Variants in CD82 observed in about 807,000 individuals in gnomAD.
CD82 encodes the protein CD82 antigen.
CD82 carries 36 observed loss-of-function variants against 37.4 expected under a neutral mutation model. The observed-to-expected ratio is 0.96, with a 90% CI of 0.74 to 1.27. The LOEUF is 1.27. CD82 is among the 50% of genes most tolerant of loss of function. The pLI, the probability that CD82 is intolerant of heterozygous loss-of-function variation, is 0.00. For missense variants in CD82, 340 were observed against 347.0 expected (o/e 0.98, Z 0.16); for synonymous variants, 158 against 137.4 (o/e 1.15, Z -1.05).
chr11:44,579,712 C>T (rs1031687629), intron 1 of CD82, among the ~76,000 whole-genome samples: 13 of 152,154 alleles, frequency 8.5e-5, no homozygotes, highest in South Asian at 4.1e-4. Context: ...GTTAAATGGC[C>T]GCTTCCCTGC....
At chr11:44,612,125 A>T (rs923467974) in intron 6 of CD82, among the ~76,000 whole-genome samples, 3 of 152,256 alleles carry the variant, frequency 2.0e-5, no homozygotes, top group African/African-American at 7.2e-5. Context: ...ATCACCTGGC[A>T]GACAGCCCCA....
Position 44,618,658 on chromosome 11 carries a change from C to T in CD82, c.661C>T (p.Gln221Ter). Residue 221 changes from glutamine (Q) to a stop codon, truncating the protein, a stop_gained, in exon 9 of 10, where the codon CAG becomes TAG. Coordinates refer to ENST00000227155, the MANE Select transcript of CD82 (RefSeq NM_002231.4). LOFTEE classifies it high-confidence loss of function. ...VYQEGCMEKV[Q>*]AWLQENLGII... is the part of the protein sequence containing the mutation. Reference sequence around the variant, plus strand: ...CTTGCAGGGCTGCATGGAGAAGGTGCAGGCGTGGCTGCAGGAGAACCTGGG... The same window carrying T: ...CTTGCAGGGCTGCATGGAGAAGGTGTAGGCGTGGCTGCAGGAGAACCTGGG... 1.2e-6 allele frequency: 2 copies of T among 1,612,426 alleles called. No homozygotes were observed. Among genetic ancestry groups the T allele is most frequent in the Non-Finnish European group, 1.7e-6 (2 of 1,179,864 alleles).
At chr11:44,603,306 C>T (rs779551803) in intron 4 of CD82, among the ~76,000 whole-genome samples, 9 of 152,094 alleles carry the variant, frequency 5.9e-5, no homozygotes, top group Non-Finnish European at 8.8e-5. Flanking sequence ...TATCAGGAAG[C>T]GGAGCTGAAT....
At chr11:44,610,615 G>C (rs1446995868) in intron 6 of CD82, among the ~76,000 whole-genome samples, 1 of 151,784 alleles carries the variant, frequency 6.6e-6, no homozygotes, top group Non-Finnish European at 1.5e-5. Context: ...GCTTGCCGAG[G>C]CTAAGATCCC....
chr11:44,616,975 G>A (rs1853573395), intron 7 of CD82, among the ~76,000 whole-genome samples: 1 of 152,194 alleles, frequency 6.6e-6, no homozygotes, highest in Admixed American at 6.5e-5. Flanking sequence ...CAGCCCGGCT[G>A]CTGGAACAAG....
chr11:44,570,196 G>T (rs777974308), intron 1 of CD82, among the ~76,000 whole-genome samples: 12 of 152,184 alleles, frequency 7.9e-5, no homozygotes, highest in Non-Finnish European at 1.8e-4. Flanking sequence ...TCACTGTGAC[G>T]CTCAGCTTCC....
Position 44,618,198 on chromosome 11 carries a change from A to G in CD82, c.475A>G (p.Thr159Ala), listed in dbSNP as rs1368615847. ...CCGWVSFYNW[T>A]DNAELMNRPE... Reference sequence around the variant, plus strand: ...CGGCTGGGTCAGCTTCTACAACTGGACAGACAACGCTGAGCTCATGAATCG... The same window carrying G: ...CGGCTGGGTCAGCTTCTACAACTGGGCAGACAACGCTGAGCTCATGAATCG... Residue 159 changes from threonine (T) to alanine (A), a missense_variant, in exon 8 of 10, where the codon ACA becomes GCA. Physicochemically the swap from Thr to Ala is moderately conservative, Grantham distance 58. Transcript: ENST00000227155. 5.6e-6 allele frequency: 9 copies of G among 1,614,054 alleles called. No individual in the cohort carries two copies. The highest frequency in any genetic ancestry group is 1.1e-5 in the South Asian group (1 of 91,082).
chr11:44,611,132 G>C (rs997308087), intron 6 of CD82, among the ~76,000 whole-genome samples: 5 of 152,180 alleles, frequency 3.3e-5, no homozygotes, highest in African/African-American at 4.8e-5. Flanking sequence ...ACCACGCCCA[G>C]CTGAAATTCT....
intron 3 of CD82, among the ~76,000 whole-genome samples, chr11:44,596,229 T>C (rs534504460): frequency 2.0e-5 from 3 of 152,298 alleles, no homozygotes; most frequent in African/African-American, 7.2e-5. Flanking sequence ...CCCTAGGACT[T>C]TGGGAAGCAG....
At position 44,619,249 on chromosome 11, in the gene CD82, T is replaced by C. The variant is rs1853621311; in HGVS notation, c.*123T>C. ...CGAAGACCCTCTTGCCCATCCTGACTGAAAGTAGGGGGCTTTCTGGGGCCT... is the reference window on the plus strand; with the variant it reads ...CGAAGACCCTCTTGCCCATCCTGACCGAAAGTAGGGGGCTTTCTGGGGCCT... On this transcript the variant is annotated 3_prime_UTR_variant, in exon 10 of 10. Coordinates refer to ENST00000227155, the MANE Select transcript of CD82 (RefSeq NM_002231.4). 1 of 759,608 alleles carries C rather than the reference T, an allele frequency of 1.3e-6. No homozygotes were observed. Among genetic ancestry groups the C allele is most frequent in the Non-Finnish European group, 2.3e-6 (1 of 430,820 alleles). 47.1% of individuals were successfully genotyped at this position (759,608 alleles called of 1,614,324 possible).
At chr11:44,601,707 T>G (rs114119627) in intron 4 of CD82, among the ~76,000 whole-genome samples, 2,310 of 152,286 alleles carry the variant, frequency 0.015, 67 homozygotes, top group African/African-American at 0.053. Context: ...CTTAAAGGTC[T>G]ACTATCTGCA....
chr11:44,576,919 C>G (rs1343525258), intron 1 of CD82, among the ~76,000 whole-genome samples: 2 of 152,138 alleles, frequency 1.3e-5, no homozygotes, highest in African/African-American at 4.8e-5. Context: ...AAGACTGGAA[C>G]CTGGGTTGTC....
chr11:44,613,848 A>C (rs1346933139), intron 6 of CD82, among the ~76,000 whole-genome samples: 1 of 152,040 alleles, frequency 6.6e-6, no homozygotes, highest in East Asian at 1.9e-4. Flanking sequence ...CAAAACAAAA[A>C]AAAAAAAGTG....
At chr11:44,603,756 T>G (rs540181600) in intron 4 of CD82, among the ~76,000 whole-genome samples, 13 of 152,284 alleles carry the variant, frequency 8.5e-5, no homozygotes, top group Non-Finnish European at 1.5e-4. Flanking sequence ...GTTGGCCAAG[T>G]GCCCCTGCAG....
intron 1 of CD82, among the ~76,000 whole-genome samples, chr11:44,574,132 C>A (rs1283885336): frequency 6.6e-6 from 1 of 152,068 alleles, no homozygotes; most frequent in East Asian, 1.9e-4. Context: ...TAGTCTTGGT[C>A]CCCAGACTAT....
chr11:44,577,631 C>T (rs1215823317), intron 1 of CD82, among the ~76,000 whole-genome samples: 2 of 152,340 alleles, frequency 1.3e-5, no homozygotes, highest in East Asian at 3.9e-4. Context: ...AGTCACTTAT[C>T]TTCTCTGAAC....
intron 2 of CD82, among the ~76,000 whole-genome samples, chr11:44,588,258 C>G (rs1238687753): frequency 2.0e-5 from 3 of 149,654 alleles, no homozygotes; most frequent in African/African-American, 7.4e-5. Context: ...GAGTCTCACT[C>G]TGTCACCCAG....
chr11:44,618,643 T>G lies in CD82; in HGVS notation c.646T>G (p.Cys216Gly). 6.2e-7 allele frequency: 1 copy of G among 1,611,232 alleles called. No individual in the cohort carries two copies. The highest frequency in any genetic ancestry group is 8.5e-7 in the Non-Finnish European group (1 of 1,179,672). Residue 216 changes from cysteine to glycine, a missense_variant, in exon 9 of 10, where the codon TGC becomes GGC. By Grantham distance (159) the Cys-to-Gly change is radical. Coordinates refer to ENST00000227155, the MANE Select transcript of CD82 (RefSeq NM_002231.4). Reference sequence around the variant, plus strand: ...TGACCGCATTCTGCCCTTGCAGGGCTGCATGGAGAAGGTGCAGGCGTGGCT... The same window carrying G: ...TGACCGCATTCTGCCCTTGCAGGGCGGCATGGAGAAGGTGCAGGCGTGGCT... ...PEDWPVYQEG[C>G]MEKVQAWLQE...
At chr11:44,618,753 A>G (rs369767006) in intron 9 of CD82, 30 bp downstream of exon 9, 3 of 1,577,560 alleles carry the variant, frequency 1.9e-6, no homozygotes, top group Non-Finnish European at 2.6e-6. Flanking sequence ...TCCCTTCTCC[A>G]TCCCAGGTCC....
Sources: gnomAD v4.1 joint callset for allele counts (sites outside exome capture counted in the v4.1 genomes callset) on GRCh38, gnomAD v4.1.1 for gene constraint, MANE v1.5 for transcripts, NCBI Gene and HGNC (gene_info 2026-07-23, HGNC 2026-07-21) for gene names.